APOL4: variants seen among roughly 807,000 people sequenced by gnomAD.
APOL4 encodes apolipoprotein L4, also known as apolipoprotein L, 4.
Under a neutral mutation model 12.1 loss-of-function variants are expected in APOL4, and 14 were observed. The ratio of observed to expected loss-of-function variants is 1.16; its 90% CI spans 0.76 to 1.81. The LOEUF (loss-of-function observed/expected upper bound fraction) is 1.81. Ranked by LOEUF, APOL4 falls within the 40% of genes most tolerant of loss-of-function variation. The pLI is 0.00. For synonymous variants in APOL4, 171 were observed against 160.6 expected, an observed-to-expected ratio of 1.06 and a Z score of -0.49; for missense variants, 432 against 423.1, an observed-to-expected ratio of 1.02 and a Z score of -0.18.
chr22:36,202,128 A>G, upstream of APOL4: 1 of 1,604,758 alleles, frequency 6.2e-7, no homozygotes. Flanking sequence ...CATTTTTAAT[A>G]AACCGTTTTG....
chr22:36,198,511 G>T (rs763132579), intron 2 of APOL4, among the ~76,000 whole-genome samples: 1 of 152,190 alleles, frequency 6.6e-6, no homozygotes, highest in African/African-American at 2.4e-5. Context: ...TACTTTCGAT[G>T]ATTGGACTCA....
At position 36,191,837 on chromosome 22, in the gene APOL4, CT is replaced by C. The variant is rs2014265066; in HGVS notation, c.284del (p.Gln95ArgfsTer12). ...PYVAIEDKDM[Q>X]QKEQQFREWF... ...ACTCCCTAAACTGCTGTTCTTTTTG[CT>C]GCATGTCTTTGTCCTCAATAGCCAC... On this transcript the variant is annotated frameshift_variant, in exon 4 of 4. Coordinates refer to ENST00000683024, the MANE Select transcript of APOL4 (RefSeq NM_001386885.1). LOFTEE classifies it low-confidence loss of function (END_TRUNC). 1.2e-6 allele frequency: 2 copies of C among 1,613,684 alleles called. No individual in the cohort carries two copies. Among genetic ancestry groups the C allele is most frequent in the South Asian group, 1.1e-5 (1 of 91,074 alleles).
At chr22:36,200,186 G>A (rs1322157906) in intron 1 of APOL4, among the ~76,000 whole-genome samples, 1 of 152,150 alleles carries the variant, frequency 6.6e-6, no homozygotes, top group Non-Finnish European at 1.5e-5. Context: ...TTTCCCATTT[G>A]AACACAGAGG....
chr22:36,191,720 G>A lies in APOL4; in HGVS notation c.402C>T (p.His134=), dbSNP rs1374664154. 6.2e-7 allele frequency: 1 copy of A among 1,614,078 alleles called. No individual in the cohort carries two copies. The highest frequency in any genetic ancestry group is 1.1e-5 in the South Asian group (1 of 91,088). Residue 134 remains histidine, a synonymous_variant, in exon 4 of 4, where the codon CAC becomes CAT. Coordinates refer to ENST00000683024, the MANE Select transcript of APOL4 (RefSeq NM_001386885.1). ...CCACATTGGCGATGACGCAGCCTCT[G>A]TGGACCTTTTCAATCTCATTTGCAA... The part of the protein sequence containing the change: ...RVIANEIEKV[H]RGCVIANVVS...
chr22:36,197,896 C>G, intron 2 of APOL4: 2 of 1,482,390 alleles, frequency 1.3e-6, no homozygotes, highest in South Asian at 1.4e-5. Flanking sequence ...CTGGGTCTGA[C>G]CCACCTTTCA....
upstream of APOL4, chr22:36,201,824 G>A: frequency 1.9e-6 from 3 of 1,573,282 alleles, no homozygotes; most frequent in South Asian, 2.3e-5. Context: ...GCCTCAACTA[G>A]GACACAGTGC....
chr22:36,195,778 A>T (rs751429771), intron 2 of APOL4, among the ~76,000 whole-genome samples: 1,270 of 46,056 alleles, frequency 0.028, 6 homozygotes, highest in Middle Eastern at 0.094. Flanking sequence ...TCTCTCTCTC[A>T]CACACACACA....
In APOL4 at chr22:36,191,285, G is replaced by A; in HGVS notation, c.837C>T (p.Thr279=). The A allele has an allele frequency of 6.2e-7, 1 of 1,613,996 alleles. No homozygotes were observed. Among genetic ancestry groups the A allele is most frequent in the East Asian group, 2.2e-5 (1 of 44,886 alleles). The change falls in exon 4 of 4, where the codon ACC becomes ACT. Residue 279 remains threonine, a synonymous_variant. Coordinates refer to ENST00000683024, the MANE Select transcript of APOL4 (RefSeq NM_001386885.1). ...VETLRTRGAP[T]RIVRKVARNL... is the part of the protein sequence containing the mutation. ...TCCGGGCTACTTTTCTCACTATCCG[G>A]GTGGGGGCCCCACGTGTTCTCAGTG...
intron 3 of APOL4, among the ~76,000 whole-genome samples, chr22:36,194,909 C>T (rs1040615719): frequency 2.0e-5 from 3 of 152,238 alleles, no homozygotes; most frequent in South Asian, 4.1e-4. Flanking sequence ...GCCCTGGTCT[C>T]TTGCCAGCAA....
At chr22:36,204,667 C>A, upstream of APOL4, 2 of 770,734 alleles carry the variant, frequency 2.6e-6, no homozygotes, top group Admixed American at 2.7e-5. Flanking sequence ...CAAGATCCAG[C>A]TGGTCTGAGC....
At chr22:36,195,782 A>G (rs879892611) in intron 2 of APOL4, among the ~76,000 whole-genome samples, 1 of 71,196 alleles carries the variant, frequency 1.4e-5, no homozygotes, top group Non-Finnish European at 3.3e-5. Context: ...TCTCTCACAC[A>G]CACACACACA....
At chr22:36,204,710 A>G (rs181365392), upstream of APOL4, 11 of 481,758 alleles carry the variant, frequency 2.3e-5, no homozygotes, top group African/African-American at 2.1e-4. Flanking sequence ...GTGCACCTAT[A>G]TAATAACCAG....
upstream of APOL4, among the ~76,000 whole-genome samples, chr22:36,203,108 T>C (rs1408832975): frequency 6.6e-6 from 1 of 152,238 alleles, no homozygotes; most frequent in Non-Finnish European, 1.5e-5. Context: ...CATTCTGCAA[T>C]GCGACCTTCT....
At chr22:36,195,967 C>G (rs113671815) in intron 2 of APOL4, among the ~76,000 whole-genome samples, 1 of 152,150 alleles carries the variant, frequency 6.6e-6, no homozygotes, top group Non-Finnish European at 1.5e-5. Context: ...TTGAAGCCAC[C>G]CAGCTTGTGG....
At chr22:36,199,708 G>A (rs984633672) in intron 1 of APOL4, 16 of 1,472,310 alleles carry the variant, frequency 1.1e-5, no homozygotes, top group East Asian at 5.0e-5. Flanking sequence ...GGGAAGGAAC[G>A]TTCTAACAAT....
chr22:36,200,070 G>A (rs919863225), intron 1 of APOL4, among the ~76,000 whole-genome samples: 2 of 151,286 alleles, frequency 1.3e-5, no homozygotes, highest in Admixed American at 6.6e-5. Context: ...GCCTCCCAAA[G>A]TGCTGGGATT....
chr22:36,191,677 T>C lies in APOL4; in HGVS notation c.445A>G (p.Ile149Val), dbSNP rs773097290. The C allele has an allele frequency of 1.9e-6, 3 of 1,614,080 alleles. No individual in the cohort carries two copies. Among genetic ancestry groups the C allele is most frequent in the Non-Finnish European group, 2.5e-6 (3 of 1,179,904 alleles). Residue 149 changes from isoleucine (I) to valine (V), a missense_variant, in exon 4 of 4, where the codon ATC (isoleucine) becomes GTC (valine). Physicochemically the swap from Ile to Val is conservative, Grantham distance 29. Transcript: ENST00000683024. ...IANVVSGSTGILSVIGVMLAP... is the reference protein window; with the variant it reads ...IANVVSGSTGVLSVIGVMLAP... ...AACATAACGCCAATGACAGACAGGA[T>C]GCCAGTGGAGCCAGACACCACATTG...
upstream of APOL4, chr22:36,202,003 C>T (rs80587): frequency 6.2e-6 from 10 of 1,613,232 alleles, no homozygotes; most frequent in Non-Finnish European, 8.5e-6. Context: ...CAGATGCAGA[C>T]GACAAAGATT....
intron 3 of APOL4, among the ~76,000 whole-genome samples, chr22:36,193,701 C>G (rs1479522035): frequency 6.6e-6 from 1 of 152,220 alleles, no homozygotes; most frequent in Non-Finnish European, 1.5e-5. Flanking sequence ...AATTCAAACA[C>G]AACCTCAGAC....
Sources: allele counts gnomAD v4.1 joint callset (sites outside exome capture counted in the v4.1 genomes callset), GRCh38; gene constraint gnomAD v4.1.1; transcripts MANE v1.5; gene names NCBI Gene and HGNC (gene_info 2026-07-23, HGNC 2026-07-21).